MAML3: variants seen among roughly 807,000 people sequenced by gnomAD.
MAML3 encodes the protein mastermind like transcriptional coactivator 3.
MAML3 carries 27 observed loss-of-function variants against 101.9 expected under a neutral mutation model. That is an observed-to-expected ratio of 0.27 (90% CI 0.20 to 0.37). The LOEUF (loss-of-function observed/expected upper bound fraction) is 0.37. MAML3 is among the 10% of genes least tolerant of loss of function. The pLI is 1.00. For synonymous variants in MAML3, 501 were observed against 555.9 expected (o/e 0.90, Z 1.39); for missense variants, 1,316 against 1,444.9 (o/e 0.91, Z 1.45).
chr4:140,130,813 T>C (rs903185280), intron 1 of MAML3, among the ~76,000 whole-genome samples: 1 of 152,102 alleles, frequency 6.6e-6, no homozygotes, highest in Non-Finnish European at 1.5e-5. Context: ...TCAAGAAACA[T>C]TTATTGAGTT....
intron 1 of MAML3, among the ~76,000 whole-genome samples, chr4:139,917,060 T>G (rs1398937388): frequency 6.6e-6 from 1 of 152,220 alleles, no homozygotes; most frequent in Admixed American, 6.5e-5. Context: ...GAAAACTGTA[T>G]GCAGAATTTT....
chr4:139,946,095 C>T (rs1733722110), intron 1 of MAML3, among the ~76,000 whole-genome samples: 1 of 152,142 alleles, frequency 6.6e-6, no homozygotes, highest in Non-Finnish European at 1.5e-5. Flanking sequence ...ACGCTATCGC[C>T]CCAAAATGTG....
At chr4:139,845,890 A>G (rs1399225269) in intron 2 of MAML3, among the ~76,000 whole-genome samples, 1 of 152,240 alleles carries the variant, frequency 6.6e-6, no homozygotes, top group Non-Finnish European at 1.5e-5. Context: ...CAGTTCGTTA[A>G]GTAAATCTTG....
chr4:140,069,173 T>A (rs1727587899), intron 1 of MAML3, among the ~76,000 whole-genome samples: 1 of 152,170 alleles, frequency 6.6e-6, no homozygotes, highest in Non-Finnish European at 1.5e-5. Flanking sequence ...CCTTGATTAT[T>A]GCAACTTCAA....
At chr4:140,052,206 T>C (rs1392779160) in intron 1 of MAML3, among the ~76,000 whole-genome samples, 2 of 152,176 alleles carry the variant, frequency 1.3e-5, no homozygotes, top group Non-Finnish European at 2.9e-5. Flanking sequence ...CTAACTCTAA[T>C]GTTTTAGCAC....
At chr4:139,790,422 C>A (rs1273089652) in intron 2 of MAML3, among the ~76,000 whole-genome samples, 1 of 151,072 alleles carries the variant, frequency 6.6e-6, no homozygotes, top group Non-Finnish European at 1.5e-5. Flanking sequence ...CTATTGTAAC[C>A]ATTTTTAAGG....
chr4:139,996,675 T>C (rs574280975), intron 1 of MAML3, among the ~76,000 whole-genome samples: 26 of 101,602 alleles, frequency 2.6e-4, no homozygotes, highest in Admixed American at 5.0e-4. Context: ...ATGGACAGTA[T>C]ATAGTTGTAT....
At chr4:139,800,618 C>T (rs961632415) in intron 2 of MAML3, among the ~76,000 whole-genome samples, 3 of 152,254 alleles carry the variant, frequency 2.0e-5, no homozygotes, top group South Asian at 2.1e-4. Flanking sequence ...AGGAGGCCTC[C>T]GTCACTGGAA....
intron 2 of MAML3, among the ~76,000 whole-genome samples, chr4:139,875,475 T>A (rs1732096071): frequency 6.6e-6 from 1 of 152,162 alleles, no homozygotes. Flanking sequence ...TGGAGCTAAG[T>A]GGGTTCTTCT....
At chr4:140,048,419 A>G (rs927274078) in intron 1 of MAML3, among the ~76,000 whole-genome samples, 2 of 152,244 alleles carry the variant, frequency 1.3e-5, no homozygotes, top group African/African-American at 2.4e-5. Flanking sequence ...TACTGGGCAT[A>G]GAACTGAAGA....
chr4:139,913,460 AT>A (rs1210151029), intron 1 of MAML3, among the ~76,000 whole-genome samples: 1 of 152,140 alleles, frequency 6.6e-6, no homozygotes, highest in Non-Finnish European at 1.5e-5. Context: ...AGTGCCAATG[AT>A]TTTTGGATAA....
chr4:139,765,017 T>C (rs1378183856), intron 2 of MAML3, among the ~76,000 whole-genome samples: 3 of 152,218 alleles, frequency 2.0e-5, no homozygotes, highest in Non-Finnish European at 4.4e-5. Flanking sequence ...TTATCACCAG[T>C]GCCTACCCTG....
intron 1 of MAML3, among the ~76,000 whole-genome samples, chr4:140,047,218 G>A (rs1727196789): frequency 6.6e-6 from 1 of 152,146 alleles, no homozygotes; most frequent in South Asian, 2.1e-4. Flanking sequence ...TATCCAGAGC[G>A]ATGTCATAGC....
intron 1 of MAML3, among the ~76,000 whole-genome samples, chr4:139,993,782 C>T (rs558772649): frequency 4.6e-5 from 7 of 152,044 alleles, no homozygotes; most frequent in Middle Eastern, 3.4e-3. Context: ...GAGCTGAGAT[C>T]GTGCCACTGC....
intron 1 of MAML3, among the ~76,000 whole-genome samples, chr4:140,146,362 C>T (rs79933617): frequency 0.018 from 2,749 of 152,208 alleles, 53 homozygotes; most frequent in South Asian, 0.11. Flanking sequence ...GCCAAGTAGA[C>T]TTTAAAAAAA....
intron 2 of MAML3, among the ~76,000 whole-genome samples, chr4:139,883,889 CTTTTTTTTTTTT>C (rs70943452): frequency 1.3e-5 from 1 of 74,324 alleles, no homozygotes; most frequent in African/African-American, 5.3e-5. Context: ...AATTGCTTGT[CTTTTTTTTTTTT>C]TTTTTTTTTG....
rs76241042 is a variant in MAML3, at chr4:140,038,806, G to A, written c.468+114054C>T. Reference sequence around the variant, plus strand: ...GTGCTTGTGAAATGACAGCTGCAACGACAGGGCAACTTCTGCATATACAGG... The same window carrying A: ...GTGCTTGTGAAATGACAGCTGCAACAACAGGGCAACTTCTGCATATACAGG... On this transcript the variant is annotated intron_variant, in intron 1 of 4. Coordinates refer to ENST00000509479, the MANE Select transcript of MAML3 (RefSeq NM_018717.5). Among the ~76,000 whole-genome samples, 490 of 152,294 alleles carry A rather than the reference G, an allele frequency of 3.2e-3. 1 individual carries two copies. The highest frequency in any genetic ancestry group is 0.01 in the African/African-American group (424 of 41,560).
chr4:139,982,993 T>G (rs550759159), intron 1 of MAML3, among the ~76,000 whole-genome samples: 1 of 152,366 alleles, frequency 6.6e-6, no homozygotes, highest in South Asian at 2.1e-4. Flanking sequence ...TCAAAGTTAC[T>G]TAGGTCGGCA....
At chr4:140,030,090 A>G (rs1235966473) in intron 1 of MAML3, among the ~76,000 whole-genome samples, 2 of 152,120 alleles carry the variant, frequency 1.3e-5, no homozygotes, top group Non-Finnish European at 2.9e-5. Flanking sequence ...CTCTTTGCCC[A>G]TCCTGGTTTC....
Sources: gnomAD v4.1 joint callset for allele counts (sites outside exome capture counted in the v4.1 genomes callset) on GRCh38, gnomAD v4.1.1 for gene constraint, MANE v1.5 for transcripts, NCBI Gene and HGNC (gene_info 2026-07-23, HGNC 2026-07-21) for gene names.